The following DIABLO variants were observed in gnomAD, a reference collection of about 807,000 sequenced individuals.
DIABLO encodes the protein diablo homolog, mitochondrial.
DIABLO carries 32 observed loss-of-function variants against 31.7 expected under a neutral mutation model. The ratio of observed to expected loss-of-function variants is 1.01; its 90% confidence interval spans 0.76 to 1.35. The LOEUF is 1.35. Among genes scored for constraint, DIABLO ranks in the 40% most tolerant of loss-of-function variants. The pLI is 0.00. For missense variants in DIABLO, 316 were observed against 286.4 expected, an observed-to-expected ratio of 1.10 and a Z score of -0.75; for synonymous variants, 132 against 103.2, an observed-to-expected ratio of 1.28 and a Z score of -1.69.
rs1468724871 is a variant in DIABLO at position 122,207,793 on chromosome 12, A to G, written c.*588T>C. 2.1e-6 allele frequency: 1 copy of G among 467,728 alleles called. No individual in the cohort carries two copies. Among genetic ancestry groups the G allele is most frequent in the East Asian group, 6.7e-5 (1 of 14,958 alleles). The allele number at this position is 467,728 out of a possible 1,614,324, so 29.0% of individuals were successfully genotyped here. ...CCTGTGTTAAGTCCTGTTGATGTTA[A>G]GTCCTGTTGAGAGCACCAGGTAAAC... On this transcript the variant is annotated 3_prime_UTR_variant, in exon 6 of 6. Coordinates refer to ENST00000464942, the MANE Select transcript of DIABLO (RefSeq NM_001371333.1).
intron 5 of DIABLO, among the ~76,000 whole-genome samples, chr12:122,214,458 C>T (rs1954160222): frequency 1.3e-5 from 2 of 152,284 alleles, no homozygotes; most frequent in Non-Finnish European, 2.9e-5. Context: ...CAGGGTCTAG[C>T]TCTTTTGCCT....
chr12:122,208,914 CAAAG>C (rs1489560652), intron 5 of DIABLO: 11 of 388,596 alleles, frequency 2.8e-5, no homozygotes, highest in Admixed American at 2.8e-4. Context: ...TTCTTTTTGA[CAAAG>C]AGATCATGAA....
intron 2 of DIABLO, among the ~76,000 whole-genome samples, chr12:122,219,176 T>C (rs1428991539): frequency 1.3e-5 from 2 of 151,422 alleles, no homozygotes; most frequent in African/African-American, 4.9e-5. Flanking sequence ...GAGGTTGCAG[T>C]GAGCCGAGAT....
At chr12:122,218,555 G>A in intron 2 of DIABLO, 158 bp from the exon 3 acceptor site, 1 of 888,128 alleles carries the variant, frequency 1.1e-6, no homozygotes, top group Non-Finnish European at 1.8e-6. Flanking sequence ...CCTTATTTTG[G>A]CAATTTAAGA....
intron 1 of DIABLO, chr12:122,224,928 G>T: frequency 1.0e-6 from 1 of 1,002,250 alleles, no homozygotes. Context: ...GGGCAACATG[G>T]CTGGCAACAT....
chr12:122,218,457 A>G, intron 2 of DIABLO, 60 bp from the exon 3 acceptor site: 1 of 1,610,650 alleles, frequency 6.2e-7, no homozygotes, highest in East Asian at 2.2e-5. Context: ...CTTTTTCACC[A>G]ATAGGCAAGC....
chr12:122,219,156 C>CCT (rs1954281217), intron 2 of DIABLO, among the ~76,000 whole-genome samples: 3 of 152,020 alleles, frequency 2.0e-5, no homozygotes, highest in South Asian at 4.1e-4. Flanking sequence ...TCACTTGAAC[C>CCT]CAGGAGGCAG....
chr12:122,215,063 C>G (rs865930539), intron 5 of DIABLO, among the ~76,000 whole-genome samples: 1 of 152,138 alleles, frequency 6.6e-6, no homozygotes, highest in Admixed American at 6.5e-5. Flanking sequence ...TGCGGTGGCT[C>G]GCACCTGTAA....
In DIABLO at chr12:122,225,443, CA is replaced by C. The variant is rs558763614; in HGVS notation, c.50+521del. 3.4e-4 allele frequency: 342 copies of C among 1,002,376 alleles called. 2 individuals are homozygous for C. The African/African-American group carries it at 5.8e-3, about 17-fold the overall frequency. The allele number at this position is 1,002,376 out of a possible 1,614,324, so 62.1% of individuals were successfully genotyped here. The stretch of plus-strand genomic sequence containing the variant: ...TTAAACTTTTTAGAAACGGATGCCA[CA>C]ATAACCGCTCCTGCAGGCAGAATTT... On this transcript the variant is annotated intron_variant, in intron 1 of 5. Coordinates refer to ENST00000464942, the MANE Select transcript of DIABLO (RefSeq NM_001371333.1).
chr12:122,214,842 C>T (rs1460021857), intron 5 of DIABLO, among the ~76,000 whole-genome samples: 1 of 152,110 alleles, frequency 6.6e-6, no homozygotes, highest in African/African-American at 2.4e-5. Flanking sequence ...AGGCGTGTGC[C>T]ACTACACCTG....
At chr12:122,226,835 A>AGTT (rs967841784), upstream of DIABLO, among the ~76,000 whole-genome samples, 1 of 152,176 alleles carries the variant, frequency 6.6e-6, no homozygotes, top group Non-Finnish European at 1.5e-5. Flanking sequence ...CAGCTGCATG[A>AGTT]GTTTTCCTCC....
chr12:122,219,527 A>C (rs1174776376), intron 2 of DIABLO, among the ~76,000 whole-genome samples: 3 of 152,086 alleles, frequency 2.0e-5, no homozygotes, highest in East Asian at 3.9e-4. Flanking sequence ...AATAGCTTAG[A>C]AAAGGCTTCA....
upstream of DIABLO, among the ~76,000 whole-genome samples, chr12:122,226,806 G>A (rs962400781): frequency 1.1e-4 from 17 of 152,234 alleles, no homozygotes; most frequent in South Asian, 2.1e-4. Context: ...GCAGAAGCCC[G>A]GCTCTTCCCC....
At chr12:122,214,116 C>A (rs1310716052) in intron 5 of DIABLO, among the ~76,000 whole-genome samples, 4 of 151,800 alleles carry the variant, frequency 2.6e-5, no homozygotes, top group Admixed American at 6.6e-5. Flanking sequence ...CTAACAACAA[C>A]AAAAAAAACC....
upstream of DIABLO, chr12:122,226,606 G>A: frequency 1.5e-6 from 1 of 682,322 alleles, no homozygotes; most frequent in Non-Finnish European, 2.7e-6. Flanking sequence ...GGCCTGCCGG[G>A]CTGGCGCCGT....
upstream of DIABLO, chr12:122,226,099 G>A (rs1381602417): frequency 6.5e-7 from 1 of 1,536,306 alleles, no homozygotes; most frequent in South Asian, 1.2e-5. Context: ...CCACCTGAGA[G>A]CGCCTCGCCC....
Position 122,208,037 on chromosome 12 carries a change from T to TAAAC in DIABLO, c.*340_*343dup, listed in dbSNP as rs1170048251. On this transcript the variant is annotated 3_prime_UTR_variant, in exon 6 of 6. Coordinates refer to ENST00000464942, the MANE Select transcript of DIABLO (RefSeq NM_001371333.1). The stretch of plus-strand genomic sequence containing the variant: ...GACGTAAATAAGACTGAAAACAGGT[T>TAAAC]AAACAGTTGCTGAACTTAAGGGCAT... The TAAAC allele has an allele frequency of 9.4e-6, 5 of 532,192 alleles. No homozygotes were observed. The highest frequency in any genetic ancestry group is 1.4e-5 in the Non-Finnish European group (4 of 278,794). The allele number at this position is 532,192 out of a possible 1,614,324, so 33.0% of individuals were successfully genotyped here.
intron 4 of DIABLO, 74 bp from the exon 5 acceptor site, chr12:122,216,658 T>C: frequency 1.3e-6 from 2 of 1,553,556 alleles, no homozygotes; most frequent in South Asian, 1.1e-5. Flanking sequence ...AAGTAGTAGA[T>C]TTAGAGAACA....
chr12:122,214,645 G>A (rs534396148), intron 5 of DIABLO, among the ~76,000 whole-genome samples: 15 of 152,172 alleles, frequency 9.9e-5, no homozygotes, highest in African/African-American at 3.4e-4. Flanking sequence ...TTGAACTCCT[G>A]GGCTCCAGCA....
Sources: gnomAD v4.1 joint callset for allele counts (sites outside exome capture counted in the v4.1 genomes callset) on GRCh38, gnomAD v4.1.1 for gene constraint, MANE v1.5 for transcripts, NCBI Gene and HGNC (gene_info 2026-07-23, HGNC 2026-07-21) for gene names.